The following TASP1 variants were observed in gnomAD, a reference collection of about 807,000 sequenced individuals.
The protein encoded by TASP1 is threonine aspartase 1.
TASP1 carries 16 observed loss-of-function variants against 56.6 expected under a neutral mutation model. The observed-to-expected ratio is 0.28, with a 90% CI of 0.19 to 0.43. TASP1 has a LOEUF of 0.43. Ranked by LOEUF, TASP1 falls within the 20% of genes least tolerant of loss-of-function variation. TASP1 has a pLI of 1.00. For synonymous variants in TASP1, 179 were observed against 184.2 expected, an observed-to-expected ratio of 0.97 and a Z score of 0.23; for missense variants, 393 against 511.6, an observed-to-expected ratio of 0.77 and a Z score of 2.24.
intron 13 of TASP1, among the ~76,000 whole-genome samples, chr20:13,402,912 A>G (rs1387232523): frequency 6.6e-6 from 1 of 152,242 alleles, no homozygotes; most frequent in African/African-American, 2.4e-5. Flanking sequence ...GAAATTTAAC[A>G]CAGCTAGTAA....
chr20:13,562,906 C>CATAT (rs201705112), intron 7 of TASP1, among the ~76,000 whole-genome samples: 66 of 119,718 alleles, frequency 5.5e-4, no homozygotes, highest in African/African-American at 2.0e-3. Context: ...TCTCTATATA[C>CATAT]ATATATATAT....
chr20:13,335,100 C>G, the TASP1 span, among the ~76,000 whole-genome samples: 12 of 152,164 alleles, frequency 7.9e-5, no homozygotes, highest in African/African-American at 2.7e-4. Context: ...GAAAGTCTAC[C>G]ACAGCACAGC....
chr20:13,448,942 T>A (rs368839348), intron 11 of TASP1, among the ~76,000 whole-genome samples: 4 of 152,000 alleles, frequency 2.6e-5, no homozygotes, highest in African/African-American at 9.6e-5. Flanking sequence ...TGTCTTCGAG[T>A]GAGGTAAAAA....
the TASP1 span, among the ~76,000 whole-genome samples, chr20:13,115,562 C>T: frequency 1.3e-5 from 2 of 152,092 alleles, no homozygotes; most frequent in African/African-American, 4.8e-5. Flanking sequence ...GTGTTACCAA[C>T]TTATAACATT....
At chr20:13,596,731 A>C (rs547662227) in intron 4 of TASP1, among the ~76,000 whole-genome samples, 1 of 152,336 alleles carries the variant, frequency 6.6e-6, no homozygotes, top group African/African-American at 2.4e-5. Context: ...TCACAAAATC[A>C]ATGAATCCAG....
At chr20:13,366,350 A>G in the TASP1 span, among the ~76,000 whole-genome samples, 3 of 152,202 alleles carry the variant, frequency 2.0e-5, no homozygotes, top group Non-Finnish European at 2.9e-5. Flanking sequence ...ATCAAAGGAT[A>G]CTGAGAAGGA....
rs185997908 is a variant in TASP1, at chr20:13,414,283, T to C, written c.1170+3165A>G. On this transcript the variant is annotated intron_variant, in intron 13 of 13. Coordinates refer to ENST00000337743, the MANE Select transcript of TASP1 (RefSeq NM_017714.3). ...TAGGTTCAGGTTATACATTTCCAGA[T>C]GGAATACTACACAAGTGATACTGTA... Among the ~76,000 whole-genome samples, 84 of 152,336 alleles carry C rather than the reference T, an allele frequency of 5.5e-4. 1 individual carries two copies. Among genetic ancestry groups the C allele is most frequent in the African/African-American group, 7.2e-5 (3 of 41,596 alleles).
intron 10 of TASP1, among the ~76,000 whole-genome samples, chr20:13,498,862 G>A (rs2043837829): frequency 6.6e-6 from 1 of 151,240 alleles, no homozygotes; most frequent in Non-Finnish European, 1.5e-5. Flanking sequence ...CACTGTTGGT[G>A]GGAATATAAA....
chr20:13,173,318 A>G, the TASP1 span, among the ~76,000 whole-genome samples: 1 of 152,208 alleles, frequency 6.6e-6, no homozygotes, highest in Non-Finnish European at 1.5e-5. Flanking sequence ...CACATCAGAC[A>G]GATGAAATCT....
the TASP1 span, among the ~76,000 whole-genome samples, chr20:13,170,517 G>A: frequency 6.6e-6 from 1 of 152,210 alleles, no homozygotes; most frequent in Non-Finnish European, 1.5e-5. Flanking sequence ...CAACTGCTCT[G>A]AGAAGTTATC....
intron 10 of TASP1, among the ~76,000 whole-genome samples, chr20:13,499,212 G>T (rs1339896653): frequency 6.6e-6 from 1 of 152,072 alleles, no homozygotes; most frequent in African/African-American, 2.4e-5. Context: ...CACAAAAACA[G>T]AAAACCAAAT....
At chr20:13,429,496 A>G (rs2042729610) in intron 12 of TASP1, among the ~76,000 whole-genome samples, 1 of 151,858 alleles carries the variant, frequency 6.6e-6, no homozygotes, top group Non-Finnish European at 1.5e-5. Flanking sequence ...TTTAAAAAGG[A>G]CTAGTCAGAA....
At chr20:13,331,077 T>C in the TASP1 span, among the ~76,000 whole-genome samples, 1 of 152,180 alleles carries the variant, frequency 6.6e-6, no homozygotes, top group Non-Finnish European at 1.5e-5. Flanking sequence ...TTTTCTTGTT[T>C]TAAGGTTGGA....
the TASP1 span, among the ~76,000 whole-genome samples, chr20:13,263,425 A>AT: frequency 5.3e-5 from 8 of 151,676 alleles, no homozygotes; most frequent in Non-Finnish European, 1.0e-4. Flanking sequence ...TAGAAAGCCG[A>AT]TTTTATGGTC....
the TASP1 span, among the ~76,000 whole-genome samples, chr20:13,136,295 C>T: frequency 1.3e-5 from 2 of 151,976 alleles, no homozygotes; most frequent in African/African-American, 4.8e-5. Context: ...TATTTAAGAT[C>T]CTCAGAAATA....
intron 11 of TASP1, among the ~76,000 whole-genome samples, chr20:13,445,283 A>G (rs945488706): frequency 6.6e-6 from 1 of 152,198 alleles, no homozygotes; most frequent in Admixed American, 6.5e-5. Context: ...TATGTACCTA[A>G]TACTGTACTA....
the TASP1 span, among the ~76,000 whole-genome samples, chr20:13,209,628 C>A: frequency 1.4e-4 from 22 of 152,204 alleles, no homozygotes; most frequent in African/African-American, 5.1e-4. Context: ...AGTCATGACA[C>A]CCCCGTGGAT....
At chr20:13,145,918 C>CTG in the TASP1 span, among the ~76,000 whole-genome samples, 2 of 152,128 alleles carry the variant, frequency 1.3e-5, no homozygotes, top group African/African-American at 4.8e-5. Context: ...AAATAATCAG[C>CTG]ATCATTTATT....
the TASP1 span, among the ~76,000 whole-genome samples, chr20:13,284,423 T>C: frequency 6.6e-6 from 1 of 152,234 alleles, no homozygotes; most frequent in Non-Finnish European, 1.5e-5. Context: ...CAAAGCACCA[T>C]ATAGATGCTC....
Sources: allele counts gnomAD v4.1 joint callset (sites outside exome capture counted in the v4.1 genomes callset), GRCh38; gene constraint gnomAD v4.1.1; transcripts MANE v1.5; gene names NCBI Gene and HGNC (gene_info 2026-07-23, HGNC 2026-07-21).